Variants in ENTREP2 observed in about 807,000 individuals in gnomAD.
The protein encoded by ENTREP2 is endosomal transmembrane epsin interactor 2.
chr15:29,613,900 T>C, the ENTREP2 span: 1 of 166,788 alleles, frequency 6.0e-6, no homozygotes. Flanking sequence ...CCAGCAGGTC[T>C]TTGATGCCAA....
chr15:29,475,736 G>A, the ENTREP2 span, among the ~76,000 whole-genome samples: 2 of 152,184 alleles, frequency 1.3e-5, no homozygotes, highest in African/African-American at 4.8e-5. Context: ...AGAGGGGTAT[G>A]GGTCCTGAGA....
chr15:29,622,499 C>T, the ENTREP2 span, among the ~76,000 whole-genome samples: 2 of 152,152 alleles, frequency 1.3e-5, no homozygotes, highest in African/African-American at 2.4e-5. Context: ...TGAGCCACCA[C>T]GCCCAGCCAA....
the ENTREP2 span, chr15:29,121,272 C>G: frequency 6.6e-6 from 1 of 152,290 alleles, no homozygotes; most frequent in Admixed American, 6.5e-5. Context: ...TGAGGGGGTC[C>G]AGTAGGCCTC....
At chr15:29,128,075 C>T in the ENTREP2 span, among the ~76,000 whole-genome samples, 1 of 152,232 alleles carries the variant, frequency 6.6e-6, no homozygotes, top group African/African-American at 2.4e-5. Flanking sequence ...GGGGACAGAG[C>T]GCCCTGGGGC....
At chr15:29,251,553 C>T in the ENTREP2 span, among the ~76,000 whole-genome samples, 1 of 151,714 alleles carries the variant, frequency 6.6e-6, no homozygotes, top group Non-Finnish European at 1.5e-5. Context: ...TTTTTTTTAG[C>T]TCATCAGCTG....
At chr15:29,359,564 C>T in the ENTREP2 span, among the ~76,000 whole-genome samples, 1 of 152,208 alleles carries the variant, frequency 6.6e-6, no homozygotes, top group African/African-American at 2.4e-5. Context: ...GGGCATGCAC[C>T]ACCACACCCA....
the ENTREP2 span, among the ~76,000 whole-genome samples, chr15:29,599,794 T>A: frequency 6.6e-6 from 1 of 152,200 alleles, no homozygotes; most frequent in African/African-American, 2.4e-5. Flanking sequence ...AAACTTCATA[T>A]TAAGCCAAGA....
chr15:29,311,527 T>C, the ENTREP2 span, among the ~76,000 whole-genome samples: 1 of 152,158 alleles, frequency 6.6e-6, no homozygotes, highest in Non-Finnish European at 1.5e-5. Context: ...CTGTCTCTAC[T>C]AAAAATACAA....
the ENTREP2 span, among the ~76,000 whole-genome samples, chr15:29,230,451 A>G: frequency 2.0e-5 from 3 of 152,334 alleles, no homozygotes; most frequent in African/African-American, 7.2e-5. Flanking sequence ...GTAAATGAAA[A>G]TATTTAGAGA....
the ENTREP2 span, among the ~76,000 whole-genome samples, chr15:29,579,942 C>T: frequency 2.0e-5 from 3 of 151,846 alleles, no homozygotes; most frequent in African/African-American, 7.3e-5. Flanking sequence ...AATCTCCTGA[C>T]CTCAAGATCC....
chr15:29,216,188 T>C, the ENTREP2 span, among the ~76,000 whole-genome samples: 6 of 152,296 alleles, frequency 3.9e-5, no homozygotes, highest in Non-Finnish European at 7.4e-5. Context: ...CAGCATTTGT[T>C]TGTCTGAAAA....
At chr15:29,410,539 C>T in the ENTREP2 span, among the ~76,000 whole-genome samples, 5 of 152,008 alleles carry the variant, frequency 3.3e-5, no homozygotes, top group African/African-American at 1.2e-4. Context: ...CACGATCACC[C>T]GCCGTAGCCA....
the ENTREP2 span, among the ~76,000 whole-genome samples, chr15:29,165,928 T>C: frequency 1.3e-5 from 2 of 152,278 alleles, no homozygotes; most frequent in Non-Finnish European, 2.9e-5. Context: ...CTTAACAAAA[T>C]ATTAGCTAAC....
the ENTREP2 span, chr15:29,137,255 A>G: frequency 1.4e-6 from 2 of 1,385,842 alleles, no homozygotes; most frequent in Non-Finnish European, 1.9e-6. Context: ...GTGTCTCATT[A>G]AGCTAATTAT....
the ENTREP2 span, among the ~76,000 whole-genome samples, chr15:29,181,222 G>A: frequency 6.6e-6 from 1 of 152,144 alleles, no homozygotes; most frequent in Non-Finnish European, 1.5e-5. Context: ...AGAAGAAGGA[G>A]GAAATCCAAG....
At chr15:29,585,857 A>C in the ENTREP2 span, among the ~76,000 whole-genome samples, 2 of 19,844 alleles carry the variant, frequency 1.0e-4, no homozygotes, top group African/African-American at 3.5e-4. Context: ...CTCTGTCTCA[A>C]AAAAAAAAAA....
At chr15:29,602,657 C>T in the ENTREP2 span, among the ~76,000 whole-genome samples, 2 of 152,152 alleles carry the variant, frequency 1.3e-5, no homozygotes, top group African/African-American at 4.8e-5. Flanking sequence ...CATGCCTCAG[C>T]CTCCTGAGTA....
At chr15:29,287,411 A>C in the ENTREP2 span, among the ~76,000 whole-genome samples, 1 of 141,394 alleles carries the variant, frequency 7.1e-6, no homozygotes, top group Non-Finnish European at 1.5e-5. Context: ...AAAAAAAAAA[A>C]GAAAACCCAT....
chr15:29,458,760 G>GT, the ENTREP2 span, among the ~76,000 whole-genome samples: 173 of 152,136 alleles, frequency 1.1e-3, 2 homozygotes, highest in Non-Finnish European at 1.3e-3. Flanking sequence ...GAACACAAAC[G>GT]TTTTTTTCTG....
Sources: allele counts gnomAD v4.1 joint callset (sites outside exome capture counted in the v4.1 genomes callset), GRCh38; gene constraint gnomAD v4.1.1; transcripts MANE v1.5; gene names NCBI Gene and HGNC (gene_info 2026-07-23, HGNC 2026-07-21).